The following ANKRD11 variants were observed in gnomAD, a reference collection of about 807,000 sequenced individuals.
ANKRD11 encodes the protein ankyrin repeat domain 11.
In ANKRD11, 17 loss-of-function variants were observed where a neutral mutation model predicts 195.7. The ratio of observed to expected loss-of-function variants is 0.09; its 90% CI spans 0.06 to 0.13. The LOEUF (loss-of-function observed/expected upper bound fraction) is 0.13, where lower values mean the gene tolerates loss of function less well. Among genes scored for constraint, ANKRD11 ranks in the 10% least tolerant of loss-of-function variants. ANKRD11 has a pLI of 1.00. For missense variants in ANKRD11, 3,735 were observed against 3,566.1 expected, an observed-to-expected ratio of 1.05 and a Z score of -1.21; for synonymous variants, 1,953 against 1,528.1, an observed-to-expected ratio of 1.28 and a Z score of -6.49.
intron 1 of ANKRD11, among the ~76,000 whole-genome samples, chr16:89,424,249 G>A (rs901458640): frequency 1.1e-4 from 17 of 152,040 alleles, no homozygotes; most frequent in African/African-American, 3.4e-4. Flanking sequence ...CGAGACCAGC[G>A]TGGCCAACAT....
rs191088696 is a variant in ANKRD11 at position 89,377,209 on chromosome 16, G to C, written c.-60+41075C>G. 3.0e-3 allele frequency among the ~76,000 whole-genome samples: 462 copies of C among 152,258 alleles called. 6 individuals are homozygous for C. Among genetic ancestry groups the C allele is most frequent in the African/African-American group, 0.01 (419 of 41,546 alleles). ...TATCTAATTCAGCCTCTAGATCGGG[G>C]TCATAGGACCTGTAAGGCTCATTAC... On this transcript the variant is annotated intron_variant, in intron 2 of 12. Coordinates refer to ENST00000301030, the MANE Select transcript of ANKRD11 (RefSeq NM_013275.6).
chr16:89,314,784 C>T (rs1164200618), intron 3 of ANKRD11, among the ~76,000 whole-genome samples: 1 of 152,208 alleles, frequency 6.6e-6, no homozygotes, highest in East Asian at 1.9e-4. Flanking sequence ...GGGCCAGGAT[C>T]TCCTTTCCCC....
intron 2 of ANKRD11, among the ~76,000 whole-genome samples, chr16:89,366,167 T>C (rs1030306760): frequency 2.0e-5 from 3 of 151,916 alleles, no homozygotes; most frequent in East Asian, 3.9e-4. Context: ...GATCTCATTC[T>C]TTTTCATGGC....
intron 1 of ANKRD11, among the ~76,000 whole-genome samples, chr16:89,479,266 C>G (rs1323185333): frequency 6.7e-6 from 1 of 149,898 alleles, no homozygotes; most frequent in Non-Finnish European, 1.5e-5. Flanking sequence ...CAAACAAAAA[C>G]AAAAAAAGGA....
intron 7 of ANKRD11, chr16:89,287,440 C>T (rs2034724664): frequency 4.3e-6 from 1 of 230,468 alleles, no homozygotes; most frequent in Non-Finnish European, 8.8e-6. Flanking sequence ...GGGTCCTTGA[C>T]ATTTTTCGTA....
At chr16:89,462,525 C>T (rs2056717455) in intron 1 of ANKRD11, among the ~76,000 whole-genome samples, 1 of 150,618 alleles carries the variant, frequency 6.6e-6, no homozygotes, top group South Asian at 2.1e-4. Context: ...TCTGCCTGGC[C>T]GCCCATCATC....
intron 3 of ANKRD11, among the ~76,000 whole-genome samples, chr16:89,312,623 C>T (rs1392701002): frequency 8.5e-6 from 1 of 117,324 alleles, no homozygotes. Flanking sequence ...ACAGAAATCA[C>T]CCTCTCCACG....
At chr16:89,489,569 G>A (rs946447549) in intron 1 of ANKRD11, among the ~76,000 whole-genome samples, 14 of 151,566 alleles carry the variant, frequency 9.2e-5, no homozygotes, top group African/African-American at 2.9e-4. Flanking sequence ...TTTCAAAACA[G>A]CGATAATAAT....
chr16:89,470,891 G>A (rs1338973006), intron 1 of ANKRD11, among the ~76,000 whole-genome samples: 1 of 152,204 alleles, frequency 6.6e-6, no homozygotes, highest in Non-Finnish European at 1.5e-5. Flanking sequence ...TACTCGGGAG[G>A]CTGAGGCAGG....
chr16:89,286,654 G>A, intron 7 of ANKRD11: 1 of 1,226,338 alleles, frequency 8.2e-7, no homozygotes, highest in Non-Finnish European at 1.0e-6. Context: ...AGGAAACAAA[G>A]ACCAAGTTTC....
intron 1 of ANKRD11, among the ~76,000 whole-genome samples, chr16:89,471,174 AGACC>A (rs2057071688): frequency 6.6e-6 from 1 of 151,944 alleles, no homozygotes; most frequent in South Asian, 2.1e-4. Flanking sequence ...CAGCAGAGTG[AGACC>A]CCACCTCTGT....
At chr16:89,375,140 C>A (rs1437320378) in intron 2 of ANKRD11, among the ~76,000 whole-genome samples, 1 of 152,028 alleles carries the variant, frequency 6.6e-6, no homozygotes, top group Non-Finnish European at 1.5e-5. Context: ...GCGGGACATA[C>A]CACACTGCAC....
intron 2 of ANKRD11, among the ~76,000 whole-genome samples, chr16:89,400,753 A>C (rs35006891): frequency 3.7e-4 from 16 of 43,020 alleles, no homozygotes; most frequent in South Asian, 9.8e-4. Context: ...GCGCTGGGGG[A>C]TGGTCATCTG....
At chr16:89,365,900 CCT>C (rs141057299) in intron 2 of ANKRD11, among the ~76,000 whole-genome samples, 4,458 of 152,164 alleles carry the variant, frequency 0.029, 150 homozygotes, top group African/African-American at 0.075. Context: ...TCTGCTGGTC[CCT>C]CTCTGTGTCC....
chr16:89,484,411 A>T (rs974295440), intron 1 of ANKRD11, among the ~76,000 whole-genome samples: 1 of 152,228 alleles, frequency 6.6e-6, no homozygotes, highest in African/African-American at 2.4e-5. Flanking sequence ...ATTAAACCAA[A>T]GTCTTCTTTG....
At chr16:89,355,295 A>G (rs2039419654) in intron 2 of ANKRD11, among the ~76,000 whole-genome samples, 1 of 152,042 alleles carries the variant, frequency 6.6e-6, no homozygotes, top group Non-Finnish European at 1.5e-5. Context: ...TGAGGCTCGG[A>G]AGGCGGGCGG....
At chr16:89,296,198 A>T (rs1298252415) in intron 4 of ANKRD11, among the ~76,000 whole-genome samples, 1 of 151,770 alleles carries the variant, frequency 6.6e-6, no homozygotes, top group African/African-American at 2.4e-5. Context: ...CGTCAGAGTC[A>T]TATTTAAATG....
chr16:89,409,280 G>A (rs899363611), intron 2 of ANKRD11, among the ~76,000 whole-genome samples: 3 of 152,158 alleles, frequency 2.0e-5, no homozygotes, highest in Non-Finnish European at 2.9e-5. Flanking sequence ...TAAATCACTA[G>A]GCTACAAGAA....
rs71134215 is a variant in ANKRD11, at chr16:89,388,293, A to ATTTTTTTTTTTTTT, written c.-60+29977_-60+29990dup. The stretch of plus-strand genomic sequence containing the variant: ...GTGCTCTCTTCTCTCCATGAGGCTG[A>ATTTTTTTTTTTTTT]TTTTTTTTTTTTTTTTTTTTTTGAG... On this transcript the variant is annotated intron_variant, in intron 2 of 12. Coordinates refer to ENST00000301030, the MANE Select transcript of ANKRD11 (RefSeq NM_013275.6). 1.4e-3 allele frequency among the ~76,000 whole-genome samples: 119 copies of ATTTTTTTTTTTTTT among 85,288 alleles called. 17 individuals are homozygous for ATTTTTTTTTTTTTT. Among genetic ancestry groups the ATTTTTTTTTTTTTT allele is most frequent in the African/African-American group, 3.3e-3 (78 of 23,352 alleles). 56.0% of individuals were successfully genotyped at this position (85,288 alleles called of 152,430 possible).
Sources: gnomAD v4.1 joint callset for allele counts (sites outside exome capture counted in the v4.1 genomes callset) on GRCh38, gnomAD v4.1.1 for gene constraint, MANE v1.5 for transcripts, NCBI Gene and HGNC (gene_info 2026-07-23, HGNC 2026-07-21) for gene names.